Variants in SH3GLB2 observed in about 807,000 individuals in gnomAD.
The protein encoded by SH3GLB2 is endophilin-B2.
SH3GLB2 carries 24 observed loss-of-function variants against 48.0 expected under a neutral mutation model. That is an observed-to-expected ratio of 0.50 (90% CI 0.36 to 0.70). SH3GLB2 has a LOEUF of 0.70. Ranked by LOEUF, SH3GLB2 falls within the 30% of genes least tolerant of loss-of-function variation. The pLI is 0.00. For missense variants in SH3GLB2, 425 were observed against 516.0 expected, an observed-to-expected ratio of 0.82 and a Z score of 1.71; for synonymous variants, 227 against 207.6, an observed-to-expected ratio of 1.09 and a Z score of -0.80.
chr9:129,017,624 G>A lies in SH3GLB2; in HGVS notation c.335-2720C>T, dbSNP rs748262720. ...TATTAAAAATACAAAAAATACGCCG[G>A]GTGTGATGGCTCACACCTGTAATCC... is the stretch of plus-strand genomic sequence containing the variant. On this transcript the variant is annotated intron_variant, in intron 3 of 10. Transcript: ENST00000372564. Among the ~76,000 whole-genome samples the A allele has an allele frequency of 2.6e-5, 4 of 152,056 alleles. No homozygotes were observed. The East Asian group carries it at 7.8e-4, about 29-fold the overall frequency.
chr9:129,018,698 C>T (rs1028873464), intron 3 of SH3GLB2, among the ~76,000 whole-genome samples: 3 of 151,072 alleles, frequency 2.0e-5, no homozygotes, highest in South Asian at 2.1e-4. Context: ...TCAAGACCAG[C>T]CTGGCCAAGA....
chr9:129,020,206 CAAAAA>C (rs60400704), intron 3 of SH3GLB2, among the ~76,000 whole-genome samples: 183 of 22,990 alleles, frequency 8.0e-3, no homozygotes, highest in South Asian at 0.016. Flanking sequence ...ACTCCATCTC[CAAAAA>C]AAAAAAAAAA....
chr9:129,017,723 C>G (rs1843516428), intron 3 of SH3GLB2, among the ~76,000 whole-genome samples: 1 of 151,650 alleles, frequency 6.6e-6, no homozygotes, highest in Non-Finnish European at 1.5e-5. Context: ...ACGGTGAAAT[C>G]CCGTCTCCAC....
chr9:129,010,621 C>A (rs1396516343), intron 7 of SH3GLB2, 49 bp downstream of exon 7: 21 of 1,606,528 alleles, frequency 1.3e-5, no homozygotes, highest in Non-Finnish European at 1.8e-5. Context: ...TGTGCCTGCA[C>A]CCCGCCACCC....
Position 129,008,580 on chromosome 9 carries a change from T to G in SH3GLB2, c.*104A>C. On this transcript the variant is annotated 3_prime_UTR_variant, in exon 11 of 11. Transcript: ENST00000372564. Reference sequence around the variant, plus strand: ...GGCAGGGACAGAATGGGGTGAATTCTCCCCACTCTGAACAACTGTGTCACC... The same window carrying G: ...GGCAGGGACAGAATGGGGTGAATTCGCCCCACTCTGAACAACTGTGTCACC... 1 of 874,262 alleles carries G rather than the reference T, an allele frequency of 1.1e-6. No homozygotes were observed. The highest frequency in any genetic ancestry group is 1.8e-6 in the Non-Finnish European group (1 of 543,866). 54.2% of individuals were successfully genotyped at this position (874,262 alleles called of 1,614,324 possible).
chr9:129,021,171 G>A lies in SH3GLB2; in HGVS notation c.254C>T (p.Pro85Leu), dbSNP rs533991387. The A allele has an allele frequency of 1.9e-6, 3 of 1,612,004 alleles. No individual in the cohort carries two copies. The highest frequency in any genetic ancestry group is 1.7e-5 in the Admixed American group (1 of 59,922). The change falls in exon 3 of 11, where the codon CCC becomes CTC. Residue 85 changes from proline to leucine, a missense_variant. By Grantham distance (98) the Pro-to-Leu change is moderately conservative. Coordinates refer to ENST00000372564, the MANE Select transcript of SH3GLB2 (RefSeq NM_020145.4). ...FLYEKLDRKV[P>L]SRVTNGELLA... ...CAGCTCCCCGTTGGTGACCCTTGAG[G>A]GGACCTTCCTGTCCAGCTTCTCATA...
chr9:129,010,086 G>C, intron 8 of SH3GLB2, 34 bp downstream of exon 8: 1 of 1,593,042 alleles, frequency 6.3e-7, no homozygotes, highest in Non-Finnish European at 8.6e-7. Flanking sequence ...CCTGCTGAGG[G>C]TTAGGTTTAG....
rs113074413 is a variant in SH3GLB2 at position 129,020,888 on chromosome 9, AAC to A, written c.334+201_334+202del. ...CCATCTCAAAAAAAAACAAAAACAA[AAC>A]ACACACACACACACAAACCAAAACT... On this transcript the variant is annotated intron_variant, in intron 3 of 10. Coordinates refer to ENST00000372564, the MANE Select transcript of SH3GLB2 (RefSeq NM_020145.4). 1.1e-4 allele frequency among the ~76,000 whole-genome samples: 16 copies of A among 150,890 alleles called. 1 individual carries two copies. The East Asian group carries it at 1.6e-3, about 15-fold the overall frequency.
intron 1 of SH3GLB2, among the ~76,000 whole-genome samples, chr9:129,023,944 G>T (rs968256821): frequency 6.6e-5 from 10 of 152,150 alleles, no homozygotes; most frequent in African/African-American, 1.9e-4. Context: ...GTCCTTTGAG[G>T]GGGGTGGCGT....
intron 9 of SH3GLB2, 185 bp downstream of exon 9, chr9:129,009,586 G>T (rs1842982241): frequency 6.6e-7 from 1 of 1,524,298 alleles, no homozygotes; most frequent in Non-Finnish European, 8.9e-7. Flanking sequence ...CAGGGGACTT[G>T]GCCGTCAGTA....
chr9:129,027,699 GTGGACGCA>G (rs1388767047), intron 1 of SH3GLB2, among the ~76,000 whole-genome samples: 1 of 152,262 alleles, frequency 6.6e-6, no homozygotes, highest in African/African-American at 2.4e-5. Context: ...AGGGGTTGTG[GTGGACGCA>G]TGAGTCCCTG....
chr9:129,009,417 A>C (rs1455322045), intron 9 of SH3GLB2, 71 bp from the exon 10 acceptor site: 1 of 1,550,156 alleles, frequency 6.5e-7, no homozygotes, highest in African/African-American at 1.4e-5. Flanking sequence ...TCCCCTCCCC[A>C]GCCCCAGGAG....
intron 1 of SH3GLB2, 61 bp downstream of exon 1, chr9:129,028,031 G>GGGTGCTCCCCGCCCGCCGCAC: frequency 6.9e-7 from 1 of 1,457,634 alleles, no homozygotes; most frequent in Non-Finnish European, 9.1e-7. Flanking sequence ...GTCTGCCGCA[G>GGGTGCTCCCCGCCCGCCGCAC]GGTGCTCCCC....
intron 1 of SH3GLB2, 72 bp downstream of exon 1, chr9:129,028,020 C>A (rs1844264603): frequency 1.8e-5 from 25 of 1,399,244 alleles, no homozygotes; most frequent in Non-Finnish European, 2.4e-5. Context: ...CGTCCCCAGG[C>A]GTCTGCCGCA....
chr9:129,013,644 C>T (rs1465362134), intron 5 of SH3GLB2: 1 of 188,998 alleles, frequency 5.3e-6, no homozygotes, highest in African/African-American at 2.4e-5. Context: ...TGAGCCCAGG[C>T]TAGGCCTGGC....
chr9:129,021,367 C>T, intron 2 of SH3GLB2, 148 bp from the exon 3 acceptor site: 1 of 998,708 alleles, frequency 1.0e-6, no homozygotes, highest in Admixed American at 3.0e-5. Flanking sequence ...AACCCTGAGA[C>T]TGTTGTGATT....
intron 1 of SH3GLB2, among the ~76,000 whole-genome samples, chr9:129,027,875 C>T: frequency 6.6e-6 from 1 of 152,250 alleles, no homozygotes; most frequent in Non-Finnish European, 1.5e-5. Flanking sequence ...GGCACCGGTG[C>T]CTCGCCCCAG....
intron 6 of SH3GLB2, 106 bp from the exon 7 acceptor site, chr9:129,010,799 CT>C (rs1843074695): frequency 1.5e-6 from 2 of 1,328,820 alleles, no homozygotes; most frequent in Non-Finnish European, 2.1e-6. Flanking sequence ...TTCTGCCCCC[CT>C]GCCCCTCTGC....
Position 129,010,203 on chromosome 9 carries a change from G to C in SH3GLB2, c.655C>G (p.Gln219Glu), listed in dbSNP as rs572114179. ...TCTGTCTGGGCCACGCGGAGCTCCT[G>C]CTCGGCCTGGGCAGGGCAGGGCAGC... ...LWNDEVDKAE[Q>E]ELRVAQTEFD... is the part of the protein sequence containing the mutation. The change falls in exon 8 of 11, where the codon CAG (glutamine) becomes GAG (glutamate). Residue 219 changes from glutamine to glutamate, a missense_variant. Gln to Glu is a conservative substitution (Grantham distance 29). Coordinates refer to ENST00000372564, the MANE Select transcript of SH3GLB2 (RefSeq NM_020145.4). 3.5e-5 allele frequency: 56 copies of C among 1,613,828 alleles called. No homozygotes were observed. In the South Asian group the frequency reaches 5.2e-4, roughly 15 times the overall value.
Sources: gnomAD v4.1 joint callset for allele counts (sites outside exome capture counted in the v4.1 genomes callset) on GRCh38, gnomAD v4.1.1 for gene constraint, MANE v1.5 for transcripts, NCBI Gene and HGNC (gene_info 2026-07-23, HGNC 2026-07-21) for gene names.